The following COP1 variants were observed in gnomAD, a reference collection of about 807,000 sequenced individuals.
COP1 encodes COP1 E3 ubiquitin ligase.
Under a neutral mutation model 101.3 loss-of-function variants are expected in COP1, and 24 were observed. The observed-to-expected ratio is 0.24, with a 90% confidence interval of 0.17 to 0.33. COP1 has a LOEUF of 0.33. Among genes scored for constraint, COP1 ranks in the 10% least tolerant of loss-of-function variants. COP1 has a pLI of 1.00. For missense variants in COP1, 663 were observed against 906.2 expected (o/e 0.73, Z 3.45); for synonymous variants, 347 against 341.9 (o/e 1.01, Z -0.17).
At position 175,955,766 on chromosome 1, in the gene COP1, C is replaced by CCACACACACACACACAAACACA. The variant is rs1553275346; in HGVS notation, c.2134-8528_2134-8527insTGTGTTTGTGTGTGTGTGTGTG. Among the ~76,000 whole-genome samples, 56 of 129,286 alleles carry CCACACACACACACACAAACACA rather than the reference C, an allele frequency of 4.3e-4. 1 individual carries two copies. Among genetic ancestry groups the CCACACACACACACACAAACACA allele is most frequent in the Middle Eastern group, 8.3e-3 (2 of 242 alleles). 84.8% of individuals were successfully genotyped at this position (129,286 alleles called of 152,430 possible). A position where few individuals can be genotyped will look rare whatever the true frequency, so the allele number is the denominator to read the frequency against. On this transcript the variant is annotated intron_variant, in intron 18 of 19. Coordinates refer to ENST00000367669, the MANE Select transcript of COP1 (RefSeq NM_022457.7). ...AAAGCATGAATCATTTAGAGACAAA[C>CCACACACACACACACAAACACA]CACACACACACACACACACACACAC...
At chr1:175,992,011 GTTAT>G (rs1213344061) in intron 15 of COP1, among the ~76,000 whole-genome samples, 5 of 152,110 alleles carry the variant, frequency 3.3e-5, no homozygotes, top group African/African-American at 9.7e-5. Flanking sequence ...CAAGTATATA[GTTAT>G]TTATTATCTT....
intron 9 of COP1, among the ~76,000 whole-genome samples, chr1:176,102,497 A>T (rs1683587407): frequency 6.6e-6 from 1 of 152,188 alleles, no homozygotes; most frequent in African/African-American, 2.4e-5. Flanking sequence ...AAGAGATCTG[A>T]CCTAAACAAA....
intron 3 of COP1, among the ~76,000 whole-genome samples, chr1:176,175,533 T>A (rs1696807926): frequency 6.6e-6 from 1 of 152,178 alleles, no homozygotes; most frequent in African/African-American, 2.4e-5. Flanking sequence ...CATACTCCTC[T>A]GAGAATCTAA....
At chr1:176,191,309 T>C (rs1362286696) in intron 1 of COP1, among the ~76,000 whole-genome samples, 1 of 152,042 alleles carries the variant, frequency 6.6e-6, no homozygotes, top group African/African-American at 2.4e-5. Flanking sequence ...TCATTGTGAT[T>C]ATGAAAATCA....
At chr1:176,185,439 T>C (rs1490146806) in intron 1 of COP1, among the ~76,000 whole-genome samples, 1 of 152,200 alleles carries the variant, frequency 6.6e-6, no homozygotes, top group Non-Finnish European at 1.5e-5. Context: ...TTCTGCCCTC[T>C]TTCCCTATAA....
intron 15 of COP1, among the ~76,000 whole-genome samples, chr1:176,013,902 T>C (rs773875141): frequency 6.6e-6 from 1 of 152,204 alleles, no homozygotes; most frequent in East Asian, 1.9e-4. Flanking sequence ...CAAAAGTATG[T>C]ATGTTTTACA....
intron 2 of COP1, among the ~76,000 whole-genome samples, chr1:176,184,429 T>C (rs1698197204): frequency 6.6e-6 from 1 of 152,140 alleles, no homozygotes; most frequent in South Asian, 2.1e-4. Context: ...AGGCCTATTC[T>C]AAATCTAAAC....
intron 11 of COP1, among the ~76,000 whole-genome samples, chr1:176,051,181 T>C (rs908286271): frequency 1.3e-5 from 2 of 152,214 alleles, no homozygotes; most frequent in African/African-American, 2.4e-5. Flanking sequence ...GCAATGATTA[T>C]TGGGGCTCAT....
At chr1:175,954,062 A>T (rs1558157184) in intron 18 of COP1, among the ~76,000 whole-genome samples, 1 of 152,194 alleles carries the variant, frequency 6.6e-6, no homozygotes, top group Non-Finnish European at 1.5e-5. Flanking sequence ...AACAAATCAC[A>T]GTAAATTTAA....
intron 5 of COP1, among the ~76,000 whole-genome samples, chr1:176,156,499 T>G (rs1303064141): frequency 6.6e-6 from 1 of 152,130 alleles, no homozygotes; most frequent in East Asian, 1.9e-4. Flanking sequence ...TTCACTGCAC[T>G]TATTAGACTG....
intron 11 of COP1, among the ~76,000 whole-genome samples, chr1:176,054,171 T>C (rs1673055805): frequency 6.6e-6 from 1 of 151,476 alleles, no homozygotes; most frequent in Non-Finnish European, 1.5e-5. Flanking sequence ...CTTTTTTTTT[T>C]TTTTTTGAGA....
At chr1:176,085,606 A>G (rs1292954010) in intron 10 of COP1, among the ~76,000 whole-genome samples, 170 bp downstream of exon 10, 1 of 152,206 alleles carries the variant, frequency 6.6e-6, no homozygotes, top group African/African-American at 2.4e-5. Flanking sequence ...TAGTCATTGG[A>G]AAGTAACATT....
In COP1 at chr1:176,099,505, G is replaced by GTCTCTCTC. The variant is rs145354415; in HGVS notation, c.1027-13623_1027-13616dup. On this transcript the variant is annotated intron_variant, in intron 9 of 19. Transcript: ENST00000367669. ...TGTGAAAAAAATTTGGAGCATATTTGTCTCTCTCTCTCTCTCTCTCTCTCT... is the reference window on the plus strand; with the variant it reads ...TGTGAAAAAAATTTGGAGCATATTTGTCTCTCTCTCTCTCTCTCTCTCTCTCTCTCTCT... Among the ~76,000 whole-genome samples the GTCTCTCTC allele has an allele frequency of 3.1e-3, 450 of 143,892 alleles. 3 individuals are homozygous for GTCTCTCTC. Among genetic ancestry groups the GTCTCTCTC allele is most frequent in the Middle Eastern group, 0.014 (4 of 286 alleles). The allele number at this position is 143,892 out of a possible 152,430, so 94.4% of individuals were successfully genotyped here. A position where few individuals can be genotyped will look rare whatever the true frequency, so the allele number is the denominator to read the frequency against.
chr1:175,956,473 C>CAA (rs1480820910), intron 18 of COP1, among the ~76,000 whole-genome samples: 1 of 150,258 alleles, frequency 6.7e-6, no homozygotes, highest in African/African-American at 2.5e-5. Flanking sequence ...TTTTAGGATG[C>CAA]AAAAAACATG....
chr1:175,977,982 A>G (rs1021842256), intron 18 of COP1, among the ~76,000 whole-genome samples: 4 of 152,136 alleles, frequency 2.6e-5, no homozygotes, highest in Admixed American at 6.5e-5. Flanking sequence ...ACCAAAAGAT[A>G]AACATTAGAA....
intron 15 of COP1, among the ~76,000 whole-genome samples, chr1:176,005,654 G>A (rs1248689594): frequency 1.3e-5 from 2 of 152,174 alleles, no homozygotes; most frequent in Non-Finnish European, 2.9e-5. Context: ...CCATGAAGTT[G>A]AGCGGTTTTG....
chr1:176,024,705 T>C (rs1403585968), intron 15 of COP1, among the ~76,000 whole-genome samples: 1 of 151,802 alleles, frequency 6.6e-6, no homozygotes, highest in Non-Finnish European at 1.5e-5. Context: ...CCCCAAGAAA[T>C]CCACAATAAA....
intron 11 of COP1, among the ~76,000 whole-genome samples, chr1:176,058,771 AAG>A (rs1674313590): frequency 6.6e-6 from 1 of 151,924 alleles, no homozygotes; most frequent in Admixed American, 6.6e-5. Context: ...AAAAAAAAAA[AAG>A]AATGTGACCT....
chr1:176,127,601 ATG>A (rs71129556), intron 8 of COP1, among the ~76,000 whole-genome samples: 112,401 of 148,730 alleles, frequency 0.76, 44,010 homozygotes, highest in East Asian at 0.92. Flanking sequence ...ATGTGTATAT[ATG>A]TGTGTGTGTG....
Sources: allele counts gnomAD v4.1 joint callset (sites outside exome capture counted in the v4.1 genomes callset), GRCh38; gene constraint gnomAD v4.1.1; transcripts MANE v1.5; gene names NCBI Gene and HGNC (gene_info 2026-07-23, HGNC 2026-07-21).